BARD1: variants seen among roughly 807,000 people sequenced by gnomAD.
The protein encoded by BARD1 is BRCA1 associated RING domain 1, also known as BRCA1-associated RING domain protein 1.
In BARD1, 73 loss-of-function variants were observed where a neutral mutation model predicts 77.0. That is an observed-to-expected ratio of 0.95 (90% CI 0.79 to 1.15). The LOEUF is 1.15. Among genes scored for constraint, BARD1 ranks in the 50% most tolerant of loss-of-function variants. The pLI is 0.00. For synonymous variants in BARD1, 384 were observed against 338.0 expected, an observed-to-expected ratio of 1.14 and a Z score of -1.49; for missense variants, 993 against 938.8, an observed-to-expected ratio of 1.06 and a Z score of -0.75.
chr2:214,731,348 T>G (rs57193437), intron 9 of BARD1, among the ~76,000 whole-genome samples: 10,109 of 152,194 alleles, frequency 0.066, 470 homozygotes, highest in African/African-American at 0.13. Context: ...CCCTTGGGAT[T>G]CCCAGGACCA....
chr2:214,797,636 ATCTAG>A (rs1306755699), intron 1 of BARD1, among the ~76,000 whole-genome samples: 1 of 152,212 alleles, frequency 6.6e-6, no homozygotes, highest in Non-Finnish European at 1.5e-5. Context: ...AAACCAGGAT[ATCTAG>A]TCATTTTGAC....
At chr2:214,786,134 G>T (rs1209139387) in intron 3 of BARD1, among the ~76,000 whole-genome samples, 3 of 151,866 alleles carry the variant, frequency 2.0e-5, no homozygotes, top group African/African-American at 7.3e-5. Context: ...ATTCCTAAGG[G>T]ATATAACATC....
At chr2:214,760,368 T>G (rs1693897843) in intron 6 of BARD1, among the ~76,000 whole-genome samples, 1 of 152,148 alleles carries the variant, frequency 6.6e-6, no homozygotes, top group Non-Finnish European at 1.5e-5. Context: ...AATTTTTGTA[T>G]TTTTAGTAGA....
intron 3 of BARD1, among the ~76,000 whole-genome samples, chr2:214,784,960 G>A (rs1695203785): frequency 1.3e-5 from 2 of 151,718 alleles, no homozygotes; most frequent in Admixed American, 1.3e-4. Context: ...AACCACCACG[G>A]CATGTGTAAA....
At chr2:214,756,302 A>T (rs1329269704) in intron 6 of BARD1, among the ~76,000 whole-genome samples, 1 of 152,184 alleles carries the variant, frequency 6.6e-6, no homozygotes, top group Non-Finnish European at 1.5e-5. Context: ...TCCTGCAAGA[A>T]TGGGCATAAT....
chr2:214,752,304 C>T (rs760414832), intron 7 of BARD1, 143 bp downstream of exon 7: 7 of 676,788 alleles, frequency 1.0e-5, no homozygotes, highest in African/African-American at 3.6e-5. Flanking sequence ...TCTTTGAATC[C>T]ACAGTAGCTA....
intron 7 of BARD1, among the ~76,000 whole-genome samples, chr2:214,751,101 GTGTGTGTGTGTGTGTGTATATATATATA>G (rs752607019): frequency 0.11 from 6,240 of 57,566 alleles, 963 homozygotes; most frequent in East Asian, 0.15. Flanking sequence ...GTGTGTGTGT[GTGTGTGTGTGTGTGTGTATATATATATA>G]TATATATATA....
intron 4 of BARD1, 54 bp downstream of exon 4, chr2:214,780,506 A>G: frequency 6.7e-7 from 1 of 1,500,058 alleles, no homozygotes; most frequent in Non-Finnish European, 9.3e-7. Flanking sequence ...CTGCAAAGAA[A>G]TTGCTTTATA....
chr2:214,802,530 T>C (rs1235081166), intron 1 of BARD1, among the ~76,000 whole-genome samples: 2 of 152,226 alleles, frequency 1.3e-5, no homozygotes, highest in Admixed American at 6.5e-5. Flanking sequence ...TCTCTTGTCT[T>C]GAAATTAGAC....
Position 214,726,029 on chromosome 2 carries a change from G to A in BARD1, c.*2647C>T, listed in dbSNP as rs1387837151. On this transcript the variant is annotated 3_prime_UTR_variant, in exon 11 of 11. Coordinates refer to ENST00000260947, the MANE Select transcript of BARD1 (RefSeq NM_000465.4). ...GGTCACTTAACTATTAAATTTACAA[G>A]GCAGGTGCAAAAAAAAAAAAAGGTG... 8 of 211,842 alleles carry A rather than the reference G, an allele frequency of 3.8e-5. No individual in the cohort carries two copies. The highest frequency in any genetic ancestry group is 1.9e-5 in the Non-Finnish European group (2 of 107,788). 13.1% of individuals were successfully genotyped at this position (211,842 alleles called of 1,614,324 possible).
chr2:214,758,136 T>G (rs961350838), intron 6 of BARD1, among the ~76,000 whole-genome samples: 4 of 152,154 alleles, frequency 2.6e-5, no homozygotes, highest in Non-Finnish European at 4.4e-5. Context: ...AGGGATGGCA[T>G]CAACGTAGCA....
intron 4 of BARD1, among the ~76,000 whole-genome samples, chr2:214,777,489 T>C (rs1371921371): frequency 4.6e-5 from 7 of 152,158 alleles, no homozygotes; most frequent in East Asian, 1.9e-4. Context: ...GCTCAAACTA[T>C]AGAAACTGCA....
intron 7 of BARD1, among the ~76,000 whole-genome samples, chr2:214,751,769 T>C (rs958363094): frequency 1.3e-5 from 2 of 152,214 alleles, no homozygotes; most frequent in Non-Finnish European, 2.9e-5. Context: ...ACAAATGGCA[T>C]TACCATCTAT....
chr2:214,783,220 A>G (rs115228212), intron 3 of BARD1, among the ~76,000 whole-genome samples: 6,354 of 152,266 alleles, frequency 0.042, 173 homozygotes, highest in Non-Finnish European at 0.063. Context: ...AAATCTGTAT[A>G]TAAGTGGACC....
intron 7 of BARD1, among the ~76,000 whole-genome samples, chr2:214,749,271 G>A (rs1693287765): frequency 6.6e-6 from 1 of 152,088 alleles, no homozygotes; most frequent in African/African-American, 2.4e-5. Flanking sequence ...GGCAGCCCAT[G>A]TGACTGAAAA....
intron 1 of BARD1, among the ~76,000 whole-genome samples, chr2:214,803,753 C>T (rs1376680289): frequency 1.3e-5 from 2 of 152,176 alleles, no homozygotes; most frequent in Non-Finnish European, 1.5e-5. Flanking sequence ...CCCCTTATTT[C>T]TTTCTCTATA....
At position 214,769,221 on chromosome 2, in the gene BARD1, C is replaced by A; in HGVS notation, c.1395+11G>T. 6.2e-7 allele frequency: 1 copy of A among 1,603,528 alleles called. No homozygotes were observed. The highest frequency in any genetic ancestry group is 1.1e-5 in the South Asian group (1 of 90,822). ...ACACAGAAAGAATGAGAATAAAAAC[C>A]AGACAACTACCAATGGTGTCCATCC... On this transcript the variant is annotated intron_variant, in intron 5 of 10. Transcript: ENST00000260947.
chr2:214,780,726 A>C lies in BARD1; in HGVS notation c.1148T>G (p.Met383Arg), dbSNP rs763596413. Reference sequence around the variant, plus strand: ...TGAAAGACTAATGAATTCATCGGACATGTTACTGTTTTTCCTCCCTGATGT... The same window carrying C: ...TGAAAGACTAATGAATTCATCGGACCTGTTACTGTTTTTCCTCCCTGATGT... The part of the protein sequence containing the change: ...GGTSGRKNSN[M>R]SDEFISLSPG... The change falls in exon 4 of 11, where the codon ATG (methionine) becomes AGG (arginine). Residue 383 changes from methionine (M) to arginine (R), a missense_variant. Physicochemically the swap from Met to Arg is moderately conservative, Grantham distance 91. Coordinates refer to ENST00000260947, the MANE Select transcript of BARD1 (RefSeq NM_000465.4). 1.2e-6 allele frequency: 2 copies of C among 1,614,068 alleles called. No individual in the cohort carries two copies. The highest frequency in any genetic ancestry group is 4.5e-5 in the East Asian group (2 of 44,870).
intron 9 of BARD1, among the ~76,000 whole-genome samples, chr2:214,739,873 T>C (rs144038247): frequency 7.7e-4 from 117 of 152,202 alleles, no homozygotes; most frequent in Admixed American, 1.4e-3. Context: ...TTACAAGATG[T>C]GTAATTTGCT....
Sources: gnomAD v4.1 joint callset for allele counts (sites outside exome capture counted in the v4.1 genomes callset) on GRCh38, gnomAD v4.1.1 for gene constraint, MANE v1.5 for transcripts, NCBI Gene and HGNC (gene_info 2026-07-23, HGNC 2026-07-21) for gene names.